The following DOCK3 variants were observed in gnomAD, a reference collection of about 807,000 sequenced individuals.
The protein encoded by DOCK3 is dedicator of cytokinesis protein 3.
Under a neutral mutation model 265.6 loss-of-function variants are expected in DOCK3, and 60 were observed. That is an observed-to-expected ratio of 0.23 (90% confidence interval 0.18 to 0.28). The LOEUF is 0.28. DOCK3 is among the 10% of genes least tolerant of loss of function. The pLI, the probability that DOCK3 is intolerant of heterozygous loss-of-function variation, is 1.00. For synonymous variants in DOCK3, 881 were observed against 938.0 expected, an observed-to-expected ratio of 0.94 and a Z score of 1.11; for missense variants, 1,981 against 2,594.3, an observed-to-expected ratio of 0.76 and a Z score of 5.14.
At chr3:51,248,196 A>G (rs2078929400) in intron 22 of DOCK3, among the ~76,000 whole-genome samples, 3 of 152,208 alleles carry the variant, frequency 2.0e-5, no homozygotes, top group Admixed American at 2.0e-4. Flanking sequence ...AAATACATGT[A>G]TTTATTCTAA....
chr3:51,192,411 A>G (rs1560186517), intron 12 of DOCK3, among the ~76,000 whole-genome samples: 1 of 151,950 alleles, frequency 6.6e-6, no homozygotes, highest in Non-Finnish European at 1.5e-5. Flanking sequence ...AAGAAAACTA[A>G]CAGGTCAATA....
chr3:50,901,335 G>C (rs998786354), intron 4 of DOCK3, among the ~76,000 whole-genome samples: 2 of 152,120 alleles, frequency 1.3e-5, no homozygotes, highest in Non-Finnish European at 2.9e-5. Context: ...CACCAAGCTC[G>C]AGTGTCCCAG....
intron 1 of DOCK3, among the ~76,000 whole-genome samples, chr3:50,778,382 A>G (rs1241634307): frequency 6.6e-6 from 1 of 152,162 alleles, no homozygotes; most frequent in Non-Finnish European, 1.5e-5. Flanking sequence ...GTACACTTGA[A>G]CACAGGATAT....
At chr3:50,761,145 A>AT (rs2040507371) in intron 1 of DOCK3, among the ~76,000 whole-genome samples, 2 of 151,924 alleles carry the variant, frequency 1.3e-5, no homozygotes, top group East Asian at 1.9e-4. Context: ...TTTTTATATC[A>AT]TTTTTTAAAA....
chr3:51,265,444 A>G (rs960154107), intron 23 of DOCK3, among the ~76,000 whole-genome samples: 7 of 152,188 alleles, frequency 4.6e-5, no homozygotes, highest in Non-Finnish European at 8.8e-5. Context: ...TGATGCGAAA[A>G]TCCTCAATAA....
At chr3:50,839,381 C>G (rs576209622) in intron 2 of DOCK3, among the ~76,000 whole-genome samples, 1 of 152,092 alleles carries the variant, frequency 6.6e-6, no homozygotes, top group Non-Finnish European at 1.5e-5. Flanking sequence ...CGTATGGTAA[C>G]AATATGTTTA....
chr3:50,819,027 T>A (rs200965627), intron 2 of DOCK3, among the ~76,000 whole-genome samples: 1 of 119,954 alleles, frequency 8.3e-6, no homozygotes, highest in Non-Finnish European at 1.9e-5. Context: ...ATTTGTTTTT[T>A]AAAAAAATGC....
At chr3:50,731,521 T>C (rs1308869507) in intron 1 of DOCK3, among the ~76,000 whole-genome samples, 1 of 152,204 alleles carries the variant, frequency 6.6e-6, no homozygotes, top group Non-Finnish European at 1.5e-5. Flanking sequence ...TATACCTTTT[T>C]CTTAATTTTC....
intron 1 of DOCK3, among the ~76,000 whole-genome samples, chr3:50,701,355 T>G (rs1463215913): frequency 1.3e-5 from 2 of 152,176 alleles, no homozygotes; most frequent in Non-Finnish European, 2.9e-5. Context: ...TGGCCTCAAG[T>G]GATCTTCCCG....
chr3:50,889,576 C>A (rs1470723523), intron 3 of DOCK3, among the ~76,000 whole-genome samples: 4 of 151,160 alleles, frequency 2.6e-5, no homozygotes, highest in Non-Finnish European at 5.9e-5. Context: ...TTTAGAAGTT[C>A]TTGAATTGAT....
At chr3:50,770,518 C>G (rs1229864660) in intron 1 of DOCK3, among the ~76,000 whole-genome samples, 1 of 151,528 alleles carries the variant, frequency 6.6e-6, no homozygotes, top group African/African-American at 2.4e-5. Context: ...GCATTCTACC[C>G]AAAGAAATCT....
intron 2 of DOCK3, among the ~76,000 whole-genome samples, chr3:50,820,160 C>T (rs1040873265): frequency 3.9e-5 from 6 of 152,216 alleles, no homozygotes; most frequent in African/African-American, 1.4e-4. Flanking sequence ...GCTGCTCTGT[C>T]TGTAGAGTAA....
intron 9 of DOCK3, among the ~76,000 whole-genome samples, chr3:51,135,165 A>G (rs548099898): frequency 1.3e-5 from 2 of 152,332 alleles, no homozygotes; most frequent in South Asian, 4.2e-4. Flanking sequence ...TTCAGTATGT[A>G]TACCCAAAAT....
At chr3:51,072,609 A>G (rs887789552) in intron 6 of DOCK3, among the ~76,000 whole-genome samples, 1 of 151,980 alleles carries the variant, frequency 6.6e-6, no homozygotes, top group Non-Finnish European at 1.5e-5. Flanking sequence ...GGGTTTAACC[A>G]TGATGACCAG....
intron 32 of DOCK3, among the ~76,000 whole-genome samples, chr3:51,327,968 C>G (rs1560443772): frequency 1.3e-5 from 2 of 152,096 alleles, no homozygotes; most frequent in Non-Finnish European, 1.5e-5. Flanking sequence ...AGGCATGAGC[C>G]ACCACACCCA....
chr3:51,265,922 T>C (rs1208894604), intron 23 of DOCK3, among the ~76,000 whole-genome samples: 1 of 152,188 alleles, frequency 6.6e-6, no homozygotes, highest in Non-Finnish European at 1.5e-5. Context: ...TGTTTACAGA[T>C]GACATGATTA....
At chr3:51,220,541 C>G (rs988029200) in intron 14 of DOCK3, among the ~76,000 whole-genome samples, 1 of 151,070 alleles carries the variant, frequency 6.6e-6, no homozygotes, top group Non-Finnish European at 1.5e-5. Flanking sequence ...CCTTTAATCC[C>G]AGCTACTCAG....
chr3:51,198,420 GGAT>G (rs1296342893), intron 12 of DOCK3, among the ~76,000 whole-genome samples: 1 of 152,130 alleles, frequency 6.6e-6, no homozygotes, highest in Non-Finnish European at 1.5e-5. Context: ...CCCGCTTCCA[GGAT>G]GTCCCAACAT....
intron 4 of DOCK3, among the ~76,000 whole-genome samples, chr3:50,933,527 G>C: frequency 6.6e-6 from 1 of 151,882 alleles, no homozygotes; most frequent in East Asian, 1.9e-4. Flanking sequence ...ACTTTTCAAA[G>C]TTTAATTGTG....
Sources: allele counts gnomAD v4.1 joint callset (sites outside exome capture counted in the v4.1 genomes callset), GRCh38; gene constraint gnomAD v4.1.1; transcripts MANE v1.5; gene names NCBI Gene and HGNC (gene_info 2026-07-23, HGNC 2026-07-21).